Variants in KIF21A observed in about 807,000 individuals in gnomAD.
KIF21A encodes the protein kinesin family member 21A.
Under a neutral mutation model 202.9 loss-of-function variants are expected in KIF21A, and 114 were observed. That is an observed-to-expected ratio of 0.56 (90% CI 0.48 to 0.66). The LOEUF is 0.66. Among genes scored for constraint, KIF21A ranks in the 30% least tolerant of loss-of-function variants. The pLI is 0.00. For missense variants in KIF21A, 1,677 were observed against 1,994.9 expected (o/e 0.84, Z 3.04); for synonymous variants, 667 against 670.8 (o/e 0.99, Z 0.09).
intron 7 of KIF21A, among the ~76,000 whole-genome samples, chr12:39,361,427 T>C (rs1400728597): frequency 6.6e-6 from 1 of 151,976 alleles, no homozygotes; most frequent in Non-Finnish European, 1.5e-5. Context: ...TAGGATGTGC[T>C]GGAAGAGACA....
intron 1 of KIF21A, among the ~76,000 whole-genome samples, chr12:39,391,733 CGTTGTTGTT>C (rs35775183): frequency 5.2e-4 from 79 of 150,888 alleles, no homozygotes; most frequent in African/African-American, 1.9e-3. Flanking sequence ...CTGCAATTTT[CGTTGTTGTT>C]GTTGTTGTTG....
At chr12:39,301,441 A>C in intron 37 of KIF21A, 39 bp downstream of exon 37, 1 of 1,479,572 alleles carries the variant, frequency 6.8e-7, no homozygotes, top group Admixed American at 1.7e-5. Flanking sequence ...TCTGAACAGA[A>C]GCAACCAATA....
chr12:39,316,003 G>A, intron 29 of KIF21A, 33 bp from the exon 30 acceptor site: 1 of 1,463,454 alleles, frequency 6.8e-7, no homozygotes. Context: ...ATGAGAGAAA[G>A]AATACAGATG....
At chr12:39,336,942 C>T (rs928655538) in intron 17 of KIF21A, among the ~76,000 whole-genome samples, 154 bp downstream of exon 17, 2 of 152,152 alleles carry the variant, frequency 1.3e-5, no homozygotes, top group East Asian at 1.9e-4. Flanking sequence ...AATCCACATA[C>T]TGTAATAAAT....
intron 17 of KIF21A, among the ~76,000 whole-genome samples, chr12:39,336,404 A>G (rs569612408): frequency 9.2e-5 from 14 of 152,342 alleles, no homozygotes; most frequent in Non-Finnish European, 1.5e-4. Flanking sequence ...TCAAGCATAC[A>G]TTTATTTGTA....
chr12:39,311,163 C>T (rs1308388653), intron 32 of KIF21A, among the ~76,000 whole-genome samples: 3 of 151,924 alleles, frequency 2.0e-5, no homozygotes, highest in Admixed American at 2.0e-4. Context: ...AAATTCAGGA[C>T]TCTACATGCA....
intron 5 of KIF21A, 44 bp downstream of exon 5, chr12:39,366,986 G>A (rs1592365535): frequency 6.5e-7 from 1 of 1,547,910 alleles, no homozygotes; most frequent in East Asian, 2.2e-5. Flanking sequence ...TGGTTTTAGG[G>A]AGATAAAAAT....
intron 7 of KIF21A, among the ~76,000 whole-genome samples, chr12:39,360,898 T>C (rs1055607143): frequency 2.0e-5 from 3 of 152,354 alleles, no homozygotes; most frequent in Admixed American, 6.5e-5. Flanking sequence ...GTTTAATTTG[T>C]ATAAACTTCA....
In KIF21A at chr12:39,337,079, A is replaced by C. The variant is rs894754053; in HGVS notation, c.2418+17T>G. The C allele has an allele frequency of 1.3e-6, 2 of 1,492,328 alleles. No individual in the cohort carries two copies. The highest frequency in any genetic ancestry group is 2.8e-5 in the African/African-American group (2 of 72,548). 92.4% of individuals were successfully genotyped at this position (1,492,328 alleles called of 1,614,324 possible). ...CGTACAATTTTCTTATATAACTGAG[A>C]GTTAAAATCCACTTACATCTCTTTT... On this transcript the variant is annotated intron_variant, in intron 17 of 37. Coordinates refer to ENST00000361418, the MANE Select transcript of KIF21A (RefSeq NM_001173464.2).
chr12:39,325,790 C>G, intron 26 of KIF21A, 49 bp downstream of exon 26: 1 of 1,309,556 alleles, frequency 7.6e-7, no homozygotes, highest in Non-Finnish European at 1.1e-6. Flanking sequence ...ATAGTGATAA[C>G]AAATAATGGT....
intron 1 of KIF21A, among the ~76,000 whole-genome samples, chr12:39,406,667 T>A (rs762410406): frequency 6.6e-6 from 1 of 152,188 alleles, no homozygotes; most frequent in Non-Finnish European, 1.5e-5. Context: ...AAGGACTGTT[T>A]TCTTCCTTTC....
chr12:39,372,952 C>A (rs1950053662), intron 1 of KIF21A, among the ~76,000 whole-genome samples: 1 of 152,172 alleles, frequency 6.6e-6, no homozygotes, highest in Non-Finnish European at 1.5e-5. Flanking sequence ...GCTATTCTCT[C>A]TGAAATACTT....
chr12:39,315,808 G>A, intron 30 of KIF21A, 124 bp downstream of exon 30: 1 of 782,986 alleles, frequency 1.3e-6, no homozygotes, highest in South Asian at 1.4e-5. Context: ...AAATATTAGT[G>A]CATTTATATG....
chr12:39,361,693 A>G (rs1949241357), intron 7 of KIF21A, among the ~76,000 whole-genome samples: 1 of 151,782 alleles, frequency 6.6e-6, no homozygotes, highest in Admixed American at 6.6e-5. Flanking sequence ...TTTTTAGTGG[A>G]GACAGGGTTT....
At chr12:39,416,554 C>A (rs761068935) in intron 1 of KIF21A, among the ~76,000 whole-genome samples, 2 of 150,058 alleles carry the variant, frequency 1.3e-5, no homozygotes, top group African/African-American at 2.5e-5. Context: ...CAAGATAGCA[C>A]CACTGCACTC....
intron 7 of KIF21A, among the ~76,000 whole-genome samples, chr12:39,359,637 T>G (rs1462356749): frequency 6.6e-6 from 1 of 152,160 alleles, no homozygotes; most frequent in African/African-American, 2.4e-5. Flanking sequence ...AGCGTGAGGA[T>G]TATGGATGCT....
Position 39,341,618 on chromosome 12 carries a change from T to C in KIF21A, c.1808A>G (p.Glu603Gly). ...ERENNELEVE[E>G]SQEVSDHEDE... ...CTCATGATCACTCACTTCTTGACTT[T>C]CTTCCTAAAATGTGATTTGTAAAAA... The change falls in exon 14 of 38, where the codon GAA becomes GGA. Residue 603 changes from glutamate to glycine, a missense_variant. Glu to Gly is a moderately conservative substitution (Grantham distance 98). This residue lies in a region of KIF21A where 966 missense variants were observed against 1,180.9 expected (regional missense o/e 0.82). Coordinates refer to ENST00000361418, the MANE Select transcript of KIF21A (RefSeq NM_001173464.2). 6.2e-7 allele frequency: 1 copy of C among 1,606,986 alleles called. No individual in the cohort carries two copies. The highest frequency in any genetic ancestry group is 8.5e-7 in the Non-Finnish European group (1 of 1,176,704).
At chr12:39,416,944 C>A (rs1953808254) in intron 1 of KIF21A, among the ~76,000 whole-genome samples, 2 of 149,568 alleles carry the variant, frequency 1.3e-5, no homozygotes, top group South Asian at 4.2e-4. Flanking sequence ...TTTTAAAAAA[C>A]CTTGAGGATT....
At chr12:39,331,127 GAGATCAATA>G (rs2138086930) in intron 22 of KIF21A, among the ~76,000 whole-genome samples, 1 of 152,006 alleles carries the variant, frequency 6.6e-6, no homozygotes, top group African/African-American at 2.4e-5. Flanking sequence ...TATGCAAAAT[GAGATCAATA>G]ATAATTACCT....
Sources: allele counts gnomAD v4.1 joint callset (sites outside exome capture counted in the v4.1 genomes callset), GRCh38; gene constraint gnomAD v4.1.1; regional missense constraint gnomAD v4.1.1; transcripts MANE v1.5; gene names NCBI Gene and HGNC (gene_info 2026-07-23, HGNC 2026-07-21).